Variants in GGTA1 observed in about 807,000 individuals in gnomAD.
GGTA1 encodes the protein glycoprotein alpha-galactosyltransferase 1 (inactive).
A neutral mutation model predicts 2.6 loss-of-function variants in GGTA1; 5 were observed. That is an observed-to-expected ratio of 1.92 (90% CI 1.00 to 4.04). GGTA1 has a LOEUF of 4.04. Ranked by LOEUF, GGTA1 falls within the 30% of genes most tolerant of loss-of-function variation. GGTA1 has a pLI of 0.00. For synonymous variants in GGTA1, 17 were observed against 5.0 expected (o/e 3.38, Z -3.19); for missense variants, 50 against 16.7 (o/e 2.99, Z -3.47).
intron 1 of GGTA1, among the ~76,000 whole-genome samples, chr9:121,470,174 G>T (rs935921817): frequency 4.6e-5 from 7 of 152,212 alleles, no homozygotes; most frequent in Admixed American, 4.6e-4. Flanking sequence ...TCACATAAAA[G>T]AATACATAAC....
intron 2 of GGTA1, among the ~76,000 whole-genome samples, chr9:121,466,305 G>T (rs2065004693): frequency 6.6e-6 from 1 of 152,164 alleles, no homozygotes; most frequent in Non-Finnish European, 1.5e-5. Context: ...TAGCTCTAGA[G>T]TCTGAGTGGG....
At chr9:121,492,237 C>T (rs565428875) in intron 1 of GGTA1, among the ~76,000 whole-genome samples, 35 of 152,258 alleles carry the variant, frequency 2.3e-4, no homozygotes, top group Non-Finnish European at 4.6e-4. Flanking sequence ...GCATCCATTT[C>T]CTGTGTGTTT....
intron 2 of GGTA1, among the ~76,000 whole-genome samples, chr9:121,465,735 C>T (rs1589330428): frequency 6.6e-6 from 1 of 152,138 alleles, no homozygotes; most frequent in Non-Finnish European, 1.5e-5. Flanking sequence ...GTTGCTTAAA[C>T]CACCTTGTGG....
intron 1 of GGTA1, among the ~76,000 whole-genome samples, chr9:121,494,120 C>T (rs1828939044): frequency 1.3e-5 from 2 of 152,066 alleles, no homozygotes; most frequent in Admixed American, 6.6e-5. Context: ...TGAGTTAGAC[C>T]CATGCTTTTC....
intron 1 of GGTA1, among the ~76,000 whole-genome samples, chr9:121,497,723 C>A (rs555020069): frequency 3.3e-5 from 5 of 152,080 alleles, no homozygotes; most frequent in Non-Finnish European, 7.4e-5. Context: ...GGCCAGGGAA[C>A]CTCATTATTT....
At chr9:121,482,915 C>T (rs1022481266) in intron 1 of GGTA1, among the ~76,000 whole-genome samples, 13 of 152,070 alleles carry the variant, frequency 8.5e-5, no homozygotes, top group Non-Finnish European at 1.5e-4. Flanking sequence ...CGCTCCACTG[C>T]ACTCCAGCAT....
In GGTA1 at chr9:121,462,084, G is replaced by A. The variant is rs562784233; in HGVS notation, c.117-767C>T. ...CACGCCTGTAATCCCAATACTTTGG[G>A]AGGCAAAGGCCAGCTGGTCACCTGA... On this transcript the variant is annotated intron_variant, in intron 3 of 5. Coordinates refer to ENST00000481799, the MANE Select transcript of GGTA1 (RefSeq NM_001382585.1). Among the ~76,000 whole-genome samples, 3 of 152,342 alleles carry A rather than the reference G, an allele frequency of 2.0e-5. No homozygotes were observed. The South Asian group carries it at 6.2e-4, about 32-fold the overall frequency.
intron 5 of GGTA1, among the ~76,000 whole-genome samples, chr9:121,457,331 A>C (rs542024865): frequency 1.3e-5 from 2 of 152,316 alleles, no homozygotes; most frequent in African/African-American, 4.8e-5. Flanking sequence ...ATCTGGGCTA[A>C]AGATTTAAAT....
chr9:121,473,899 C>T (rs1450881636), intron 1 of GGTA1, among the ~76,000 whole-genome samples: 1 of 120,614 alleles, frequency 8.3e-6, no homozygotes, highest in East Asian at 2.6e-4. Flanking sequence ...GCCTGGGCGA[C>T]AGAGTGAGAT....
chr9:121,489,646 G>C (rs1828833870), intron 1 of GGTA1, among the ~76,000 whole-genome samples: 1 of 152,226 alleles, frequency 6.6e-6, no homozygotes, highest in African/African-American at 2.4e-5. Flanking sequence ...AATTGGCAAA[G>C]ACCACATACC....
downstream of GGTA1, among the ~76,000 whole-genome samples, chr9:121,451,511 G>C (rs1046958387): frequency 4.6e-5 from 7 of 152,204 alleles, no homozygotes; most frequent in African/African-American, 1.7e-4. Flanking sequence ...AAGTAAGAAT[G>C]ATCGTAGTTT....
At chr9:121,459,661 T>C (rs551710163) in intron 5 of GGTA1, among the ~76,000 whole-genome samples, 1 of 152,212 alleles carries the variant, frequency 6.6e-6, no homozygotes, top group Admixed American at 6.5e-5. Context: ...TCCAGTCCCC[T>C]TTCTGGCCAA....
chr9:121,485,523 G>C (rs1460221998), intron 1 of GGTA1, among the ~76,000 whole-genome samples: 1 of 152,226 alleles, frequency 6.6e-6, no homozygotes, highest in African/African-American at 2.4e-5. Flanking sequence ...TGATGGGATA[G>C]AGGGAGTTGC....
At chr9:121,497,481 T>C (rs535976250) in intron 1 of GGTA1, among the ~76,000 whole-genome samples, 1 of 152,196 alleles carries the variant, frequency 6.6e-6, no homozygotes, top group South Asian at 2.1e-4. Flanking sequence ...TGCCATTTAG[T>C]TGCTGAGTGC....
intron 1 of GGTA1, among the ~76,000 whole-genome samples, chr9:121,472,124 G>A (rs140442150): frequency 9.2e-5 from 14 of 152,180 alleles, no homozygotes; most frequent in African/African-American, 3.1e-4. Flanking sequence ...TAACTGACAT[G>A]AGGCCATTTA....
At chr9:121,498,431 A>G (rs1032871449) in intron 1 of GGTA1, among the ~76,000 whole-genome samples, 3 of 152,358 alleles carry the variant, frequency 2.0e-5, no homozygotes, top group East Asian at 1.9e-4. Flanking sequence ...AAGCACAGAA[A>G]TGCAGCAGAA....
At chr9:121,454,114 T>G (rs1302910309), downstream of GGTA1, among the ~76,000 whole-genome samples, 1 of 152,140 alleles carries the variant, frequency 6.6e-6, no homozygotes, top group Non-Finnish European at 1.5e-5. Context: ...GCTCTCCTGG[T>G]TCACCACATC....
At chr9:121,474,233 G>A (rs190944779) in intron 1 of GGTA1, among the ~76,000 whole-genome samples, 60 of 152,070 alleles carry the variant, frequency 3.9e-4, no homozygotes, top group African/African-American at 1.4e-3. Flanking sequence ...GAGCCCTCCT[G>A]CCATCTCTCA....
rs367691444 is a variant in GGTA1, at chr9:121,460,142, G to C, written c.260C>G (p.Thr87Arg). ...GREETKGRKM[T>R]QQSFGYGTGL... Reference sequence around the variant, plus strand: ...AGTCCCATAGCCGAAGCTCTGTTGTGTCATTTTCCTTCCTTTGGTCTCCTC... The same window carrying C: ...AGTCCCATAGCCGAAGCTCTGTTGTCTCATTTTCCTTCCTTTGGTCTCCTC... Residue 87 changes from threonine (T) to arginine (R), a missense_variant, in exon 5 of 6, where the codon ACA becomes AGA. Coordinates refer to ENST00000481799, the MANE Select transcript of GGTA1 (RefSeq NM_001382585.1). 4 of 456,702 alleles carry C rather than the reference G, an allele frequency of 8.8e-6. No individual in the cohort carries two copies. Among genetic ancestry groups the C allele is most frequent in the African/African-American group, 6.0e-5 (3 of 50,038 alleles). The allele number at this position is 456,702 out of a possible 1,614,324, so 28.3% of individuals were successfully genotyped here.
Sources: allele counts gnomAD v4.1 joint callset (sites outside exome capture counted in the v4.1 genomes callset), GRCh38; gene constraint gnomAD v4.1.1; transcripts MANE v1.5; gene names NCBI Gene and HGNC (gene_info 2026-07-23, HGNC 2026-07-21).